The following AMY2B variants were observed in gnomAD, a reference collection of about 807,000 sequenced individuals.
The protein encoded by AMY2B is amylase alpha 2B.
AMY2B carries 63 observed loss-of-function variants against 59.3 expected under a neutral mutation model. That is an observed-to-expected ratio of 1.06 (90% confidence interval 0.87 to 1.31). The LOEUF (loss-of-function observed/expected upper bound fraction) is 1.31, where lower values mean the gene tolerates loss of function less well. AMY2B is among the 50% of genes most tolerant of loss of function. The pLI is 0.00. For synonymous variants in AMY2B, 180 were observed against 198.1 expected, an observed-to-expected ratio of 0.91 and a Z score of 0.77; for missense variants, 635 against 626.7, an observed-to-expected ratio of 1.01 and a Z score of -0.14.
At chr1:103,555,402 A>T (rs1338950631) in intron 1 of AMY2B, among the ~76,000 whole-genome samples, 5 of 151,802 alleles carry the variant, frequency 3.3e-5, no homozygotes, top group Non-Finnish European at 5.9e-5. Flanking sequence ...TTTTATTGTA[A>T]TCTTGTTTTT....
At chr1:103,557,438 G>A (rs1463133092) in intron 1 of AMY2B, among the ~76,000 whole-genome samples, 2 of 152,054 alleles carry the variant, frequency 1.3e-5, no homozygotes, top group Admixed American at 6.6e-5. Context: ...ATCAACGTGA[G>A]GTCAGGATTT....
upstream of AMY2B, among the ~76,000 whole-genome samples, chr1:103,566,930 A>G (rs1207319420): frequency 6.6e-6 from 1 of 152,176 alleles, no homozygotes; most frequent in African/African-American, 2.4e-5. Flanking sequence ...TTCATGTTAT[A>G]GCCATTTATT....
rs1652198950 is a variant in AMY2B, at chr1:103,573,063, G to A, written c.316G>A (p.Val106Ile). The A allele has an allele frequency of 2.5e-6, 4 of 1,613,428 alleles. No homozygotes were observed. ...CTGAAGTAGAAACTTTGCTTTCTAGGTTCGTATTTATGTGGATGCTGTAAT... is the reference window on the plus strand; with the variant it reads ...CTGAAGTAGAAACTTTGCTTTCTAGATTCGTATTTATGTGGATGCTGTAAT... Reference protein sequence around the residue: ...NMVTRCNNVGVRIYVDAVINH... With the variant: ...NMVTRCNNVGIRIYVDAVINH... The change falls in exon 3 of 10, where the codon GTT (valine) becomes ATT (isoleucine). Residue 106 changes from valine to isoleucine, a missense_variant and splice_region_variant. Coordinates refer to ENST00000684275, the MANE Select transcript of AMY2B (RefSeq NM_001387437.1).
At chr1:103,572,388 A>G (rs868784892) in intron 2 of AMY2B, 132 bp downstream of exon 2, 9 of 1,452,682 alleles carry the variant, frequency 6.2e-6, no homozygotes, top group Non-Finnish European at 7.3e-6. Flanking sequence ...TTAAAACTCA[A>G]AATTAACCGT....
Position 103,575,335 on chromosome 1 carries a change from T to C in AMY2B, c.991T>C (p.Trp331Arg). The C allele has an allele frequency of 6.2e-7, 1 of 1,613,610 alleles. No individual in the cohort carries two copies. The highest frequency in any genetic ancestry group is 8.5e-7 in the Non-Finnish European group (1 of 1,179,686). ...GAGGASILTF[W>R]DARLYKMAVG... ...TGGAGGAGCCTCTATTCTTACCTTCTGGGATGCTAGGTAGAAAACCAAGTT... is the reference window on the plus strand; with the variant it reads ...TGGAGGAGCCTCTATTCTTACCTTCCGGGATGCTAGGTAGAAAACCAAGTT... Residue 331 changes from tryptophan to arginine, a missense_variant, in exon 6 of 10, where the codon TGG (tryptophan) becomes CGG (arginine). Coordinates refer to ENST00000684275, the MANE Select transcript of AMY2B (RefSeq NM_001387437.1).
chr1:103,574,391 A>G lies in AMY2B; in HGVS notation c.876A>G (p.Leu292=). ...RKWNGEKMSY[L]KNWGEGWGFM... ...GGAATGGAGAGAAGATGTCTTACCT[A>G]AAGTAAATAAATACAACTTTTCCCC... The change falls in exon 5 of 10, where the codon CTA becomes CTG. Residue 292 remains leucine, a splice_region_variant and synonymous_variant. Transcript: ENST00000684275. 1 of 1,611,408 alleles carries G rather than the reference A, an allele frequency of 6.2e-7. No homozygotes were observed.
At chr1:103,562,539 T>C (rs993050484) in intron 1 of AMY2B, among the ~76,000 whole-genome samples, 3 of 152,264 alleles carry the variant, frequency 2.0e-5, no homozygotes, top group Admixed American at 6.5e-5. Context: ...GAGAAACAAC[T>C]AACTTGATCA....
At chr1:103,577,148 G>C (rs535786979) in intron 7 of AMY2B, among the ~76,000 whole-genome samples, 1 of 152,116 alleles carries the variant, frequency 6.6e-6, no homozygotes, top group Non-Finnish European at 1.5e-5. Flanking sequence ...TGAGATAGGA[G>C]GATCGCTTGA....
In AMY2B at chr1:103,572,271, G is replaced by A. The variant is rs764490165; in HGVS notation, c.315+15G>A. 4.4e-6 allele frequency: 7 copies of A among 1,605,660 alleles called. No individual in the cohort carries two copies. Among genetic ancestry groups the A allele is most frequent in the Non-Finnish European group, 6.0e-6 (7 of 1,176,248 alleles). On this transcript the variant is annotated intron_variant, in intron 2 of 9. Coordinates refer to ENST00000684275, the MANE Select transcript of AMY2B (RefSeq NM_001387437.1). ...ACAATGTTGGGGTAAGTGAATTCTA[G>A]TTTCCTTGAAAAATAACAGATAGGA... is the stretch of plus-strand genomic sequence containing the variant.
rs113099931 is a variant in AMY2B at position 103,572,026 on chromosome 1, T to C, written c.169-84T>C. Reference sequence around the variant, plus strand: ...AGCTGCATATACCAAGATTCAAGAATTTTTTATATTATTGATTAGTTTCTA... The same window carrying C: ...AGCTGCATATACCAAGATTCAAGAACTTTTTATATTATTGATTAGTTTCTA... On this transcript the variant is annotated intron_variant, in intron 1 of 9. Coordinates refer to ENST00000684275, the MANE Select transcript of AMY2B (RefSeq NM_001387437.1). The C allele has an allele frequency of 2.1e-3, 3,365 of 1,590,818 alleles. 61 individuals carry two copies. The African/African-American group carries it at 0.04, about 19-fold the overall frequency.
exon 1 of AMY2B, chr1:103,554,780 A>T (rs1284495458): frequency 6.6e-6 from 1 of 152,652 alleles, no homozygotes; most frequent in East Asian, 1.9e-4. Flanking sequence ...ACAATTGAAA[A>T]TTCGGTTATT....
intron 1 of AMY2B, among the ~76,000 whole-genome samples, chr1:103,556,895 A>C (rs532042236): frequency 6.6e-6 from 1 of 152,142 alleles, no homozygotes; most frequent in Non-Finnish European, 1.5e-5. Context: ...CAACTGTAAG[A>C]TACTTTATTA....
rs934048263 is a variant in AMY2B, at chr1:103,575,102, T to C, written c.879-121T>C. 3 of 1,365,190 alleles carry C rather than the reference T, an allele frequency of 2.2e-6. No homozygotes were observed. In the African/African-American group the frequency reaches 4.4e-5, roughly 20 times the overall value. 84.6% of individuals were successfully genotyped at this position (1,365,190 alleles called of 1,614,324 possible). A position where few individuals can be genotyped will look rare whatever the true frequency, so the allele number is the denominator to read the frequency against. On this transcript the variant is annotated intron_variant, in intron 5 of 9. Coordinates refer to ENST00000684275, the MANE Select transcript of AMY2B (RefSeq NM_001387437.1). Reference sequence around the variant, plus strand: ...TATATATATCTTACAGAATAACCATTTAATTAGAGAAAGAATTTAATCTTC... The same window carrying C: ...TATATATATCTTACAGAATAACCATCTAATTAGAGAAAGAATTTAATCTTC...
chr1:103,569,731 A>G (rs909121042), upstream of AMY2B: 1 of 407,198 alleles, frequency 2.5e-6, no homozygotes, highest in Non-Finnish European at 5.0e-6. Context: ...GGCTGAGAGC[A>G]AGCACAGTAT....
intron 1 of AMY2B, among the ~76,000 whole-genome samples, chr1:103,562,535 C>T (rs1170176208): frequency 6.6e-6 from 1 of 152,022 alleles, no homozygotes; most frequent in East Asian, 1.9e-4. Context: ...GTAAGAGAAA[C>T]AACTAACTTG....
intron 1 of AMY2B, chr1:103,564,881 A>C (rs936533121): frequency 3.3e-5 from 5 of 152,056 alleles, no homozygotes; most frequent in Admixed American, 6.6e-5. Context: ...CGGTTTCTCT[A>C]AACCAAATCT....
At position 103,573,853 on chromosome 1, in the gene AMY2B, G is replaced by C; in HGVS notation, c.659G>C (p.Gly220Ala). 6.2e-7 allele frequency: 1 copy of C among 1,613,830 alleles called. No homozygotes were observed. The highest frequency in any genetic ancestry group is 8.5e-7 in the Non-Finnish European group (1 of 1,179,780). ...RLDASKHMWPGDIKAILDKLH... is the reference protein window; with the variant it reads ...RLDASKHMWPADIKAILDKLH... Reference sequence around the variant, plus strand: ...GATGCTTCCAAGCACATGTGGCCTGGAGACATAAAGGCAATTTTGGACAAA... The same window carrying C: ...GATGCTTCCAAGCACATGTGGCCTGCAGACATAAAGGCAATTTTGGACAAA... The change falls in exon 4 of 10, where the codon GGA becomes GCA. Residue 220 changes from glycine to alanine, a missense_variant. Physicochemically the swap from Gly to Ala is moderately conservative, Grantham distance 60 (BLOSUM62 0). Coordinates refer to ENST00000684275, the MANE Select transcript of AMY2B (RefSeq NM_001387437.1).
At chr1:103,555,731 A>G (rs1651526625) in intron 1 of AMY2B, among the ~76,000 whole-genome samples, 1 of 152,204 alleles carries the variant, frequency 6.6e-6, no homozygotes, top group Non-Finnish European at 1.5e-5. Context: ...AGAATTTAAT[A>G]TAGTGAGTAT....
At chr1:103,575,695 A>C in intron 7 of AMY2B, 155 bp downstream of exon 7, 1 of 1,125,876 alleles carries the variant, frequency 8.9e-7, no homozygotes, top group Non-Finnish European at 1.2e-6. Context: ...GTTATATTAA[A>C]GGAGTAAAAT....
Sources: allele counts gnomAD v4.1 joint callset (sites outside exome capture counted in the v4.1 genomes callset), GRCh38; gene constraint gnomAD v4.1.1; transcripts MANE v1.5; gene names NCBI Gene and HGNC (gene_info 2026-07-23, HGNC 2026-07-21).